Variants in PCDH9 observed in about 807,000 individuals in gnomAD.
PCDH9 encodes the protein protocadherin-9.
In PCDH9, 24 loss-of-function variants were observed where a neutral mutation model predicts 70.6. That is an observed-to-expected ratio of 0.34 (90% CI 0.25 to 0.48). The LOEUF is 0.48. Among genes scored for constraint, PCDH9 ranks in the 20% least tolerant of loss-of-function variants. The pLI is 0.99. For missense variants in PCDH9, 1,281 were observed against 1,503.6 expected, an observed-to-expected ratio of 0.85 and a Z score of 2.45; for synonymous variants, 562 against 558.5, an observed-to-expected ratio of 1.01 and a Z score of -0.09.
At chr13:67,159,253 C>T (rs1327641541) in intron 2 of PCDH9, among the ~76,000 whole-genome samples, 2 of 152,064 alleles carry the variant, frequency 1.3e-5, no homozygotes, top group South Asian at 2.1e-4. Flanking sequence ...CTGAGACTCA[C>T]GGGTTCGAGA....
chr13:66,867,827 T>C (rs897384820), intron 3 of PCDH9, among the ~76,000 whole-genome samples: 3 of 151,898 alleles, frequency 2.0e-5, no homozygotes, highest in African/African-American at 7.2e-5. Context: ...AAAAAATCCT[T>C]TTTTTTATCC....
At chr13:66,881,886 C>T (rs1392805306) in intron 3 of PCDH9, among the ~76,000 whole-genome samples, 3 of 152,142 alleles carry the variant, frequency 2.0e-5, no homozygotes, top group Non-Finnish European at 4.4e-5. Flanking sequence ...GAGAACTTTA[C>T]AGGTTTATCT....
rs763453178 is a variant in PCDH9 at position 67,227,064 on chromosome 13, A to G, written c.1377T>C (p.Leu459=). ...TTGGTGGGTTGTCATTTTCATCCTC[A>G]AGCTTAACCCTTACCAGGGCAGTCT... ...LNQTALVRVK[L]EDENDNPPIF... The change falls in exon 2 of 5, where the codon CTT becomes CTC. Residue 459 remains leucine (L), a synonymous_variant. Coordinates refer to ENST00000377865, the MANE Select transcript of PCDH9 (RefSeq NM_203487.3). This position sits in a 1 kb window ranked among gnomAD's most constrained non-coding sequence, Gnocchi z 4.6. The G allele has an allele frequency of 1.2e-6, 2 of 1,614,106 alleles. No homozygotes were observed. Among genetic ancestry groups the G allele is most frequent in the South Asian group, 1.1e-5 (1 of 91,084 alleles).
intron 3 of PCDH9, among the ~76,000 whole-genome samples, chr13:66,674,618 C>T (rs907219743): frequency 2.6e-5 from 4 of 152,024 alleles, no homozygotes; most frequent in South Asian, 4.1e-4. Context: ...ATGGGAGGTC[C>T]GTCAAAGCAA....
intron 2 of PCDH9, chr13:67,210,153 T>G (rs992771628): frequency 6.6e-6 from 1 of 152,106 alleles, no homozygotes; most frequent in African/African-American, 2.4e-5. Flanking sequence ...GTAATATTAC[T>G]GATAAAAATA....
At chr13:67,179,904 A>T (rs974748574) in intron 2 of PCDH9, among the ~76,000 whole-genome samples, 1 of 152,140 alleles carries the variant, frequency 6.6e-6, no homozygotes, top group African/African-American at 2.4e-5. Context: ...GCAAATATTG[A>T]TTGCAATATA....
intron 4 of PCDH9, among the ~76,000 whole-genome samples, chr13:66,481,501 T>C (rs1281988935): frequency 6.6e-6 from 1 of 152,184 alleles, no homozygotes; most frequent in Non-Finnish European, 1.5e-5. Flanking sequence ...GGACATAATG[T>C]TATTGCACAC....
chr13:66,667,744 C>T (rs1227366616), intron 3 of PCDH9, among the ~76,000 whole-genome samples: 2 of 152,052 alleles, frequency 1.3e-5, no homozygotes, highest in African/African-American at 4.8e-5. Flanking sequence ...ATCTAAAATA[C>T]ACATCTAGTA....
intron 2 of PCDH9, among the ~76,000 whole-genome samples, chr13:67,084,688 C>T (rs1303971107): frequency 6.6e-6 from 1 of 151,642 alleles, no homozygotes; most frequent in African/African-American, 2.4e-5. Flanking sequence ...CATATGTTGC[C>T]GGCCCAGCAT....
chr13:66,728,317 C>T (rs1686566684), intron 3 of PCDH9, among the ~76,000 whole-genome samples: 1 of 152,054 alleles, frequency 6.6e-6, no homozygotes, highest in Non-Finnish European at 1.5e-5. Flanking sequence ...ATTTTTTGTT[C>T]CTCATTCAAC....
At chr13:66,339,828 A>G (rs964300771) in intron 4 of PCDH9, among the ~76,000 whole-genome samples, 4 of 152,140 alleles carry the variant, frequency 2.6e-5, no homozygotes, top group Admixed American at 2.0e-4. Flanking sequence ...GGCTTCTTCT[A>G]GTTCACTTCT....
intron 4 of PCDH9, among the ~76,000 whole-genome samples, chr13:66,539,664 G>T (rs1287582111): frequency 6.6e-6 from 1 of 151,788 alleles, no homozygotes; most frequent in East Asian, 1.9e-4. Flanking sequence ...GGAGTATTGG[G>T]TTTTTTTGTT....
chr13:66,525,833 A>G (rs1431189037), intron 4 of PCDH9, among the ~76,000 whole-genome samples: 3 of 152,084 alleles, frequency 2.0e-5, no homozygotes, highest in Non-Finnish European at 4.4e-5. Context: ...CCCAGCTTTC[A>G]CCTTGTTGTC....
In PCDH9 at chr13:66,420,029, C is replaced by T. The variant is rs76464747; in HGVS notation, c.3341-115001G>A. On this transcript the variant is annotated intron_variant, in intron 4 of 4. Coordinates refer to ENST00000377865, the MANE Select transcript of PCDH9 (RefSeq NM_203487.3). ...TACTGAGGCTTGAGTAGGTGCTTTT[C>T]CCCTCAAAGTGGAAACAAAGCCACA... is the stretch of plus-strand genomic sequence containing the variant. 8.1e-3 allele frequency among the ~76,000 whole-genome samples: 1,239 copies of T among 152,198 alleles called. 16 individuals carry two copies. Among genetic ancestry groups the T allele is most frequent in the African/African-American group, 0.028 (1,179 of 41,522 alleles).
chr13:66,912,162 T>A (rs1233024778), intron 2 of PCDH9, among the ~76,000 whole-genome samples: 1 of 152,158 alleles, frequency 6.6e-6, no homozygotes, highest in Non-Finnish European at 1.5e-5. Context: ...ACTAGGAATT[T>A]AAGGGTGAAC....
intron 4 of PCDH9, among the ~76,000 whole-genome samples, chr13:66,340,799 T>C (rs916000494): frequency 6.6e-6 from 1 of 152,162 alleles, no homozygotes; most frequent in South Asian, 2.1e-4. Context: ...AAGTAGGTCA[T>C]AGGTAAACAG....
At chr13:66,800,635 A>G (rs1042992613) in intron 3 of PCDH9, among the ~76,000 whole-genome samples, 32 of 152,180 alleles carry the variant, frequency 2.1e-4, no homozygotes, top group Admixed American at 7.2e-4. Flanking sequence ...CTAATCTAAA[A>G]ATTTGTAGGT....
At chr13:66,648,145 G>C (rs2077797824) in intron 3 of PCDH9, among the ~76,000 whole-genome samples, 1 of 152,198 alleles carries the variant, frequency 6.6e-6, no homozygotes, top group Non-Finnish European at 1.5e-5. Context: ...GCTCTGAAGA[G>C]AAGGACACAA....
chr13:66,401,546 G>A (rs978290053), intron 4 of PCDH9, among the ~76,000 whole-genome samples: 3 of 151,978 alleles, frequency 2.0e-5, no homozygotes, highest in African/African-American at 7.2e-5. Context: ...GCATGAGAAT[G>A]GACTCATATG....
Sources: gnomAD v4.1 joint callset for allele counts (sites outside exome capture counted in the v4.1 genomes callset) on GRCh38, gnomAD v4.1.1 for gene constraint, Gnocchi (gnomAD v3.1) non-coding constraint, MANE v1.5 for transcripts, NCBI Gene and HGNC (gene_info 2026-07-23, HGNC 2026-07-21) for gene names.